CSMD1: variants seen among roughly 807,000 people sequenced by gnomAD.
The protein encoded by CSMD1 is CUB and Sushi multiple domains 1.
A neutral mutation model predicts 417.5 loss-of-function variants in CSMD1; 213 were observed. The observed-to-expected ratio is 0.51, with a 90% CI of 0.46 to 0.57. The LOEUF is 0.57. Ranked by LOEUF, CSMD1 falls within the 20% of genes least tolerant of loss-of-function variation. CSMD1 has a pLI of 0.00. For missense variants in CSMD1, 6,923 were observed against 4,529.7 expected (o/e 1.53, Z -15.17); for synonymous variants, 2,862 against 1,736.8 (o/e 1.65, Z -16.11).
intron 5 of CSMD1, among the ~76,000 whole-genome samples, chr8:3,953,205 A>G (rs1811704706): frequency 6.6e-6 from 1 of 152,140 alleles, no homozygotes; most frequent in Non-Finnish European, 1.5e-5. Context: ...CACTATAAAC[A>G]TTATAGGATT....
At chr8:4,768,773 A>T (rs1796454339) in intron 1 of CSMD1, among the ~76,000 whole-genome samples, 1 of 152,210 alleles carries the variant, frequency 6.6e-6, no homozygotes, top group African/African-American at 2.4e-5. Context: ...TTTACAGTAT[A>T]GGCACATCTT....
At chr8:4,384,323 C>A (rs1377453421) in intron 3 of CSMD1, among the ~76,000 whole-genome samples, 1 of 152,156 alleles carries the variant, frequency 6.6e-6, no homozygotes. Context: ...CGAAATCTAC[C>A]TCATGGCAAC....
At chr8:4,792,020 A>C (rs1464231972) in intron 1 of CSMD1, among the ~76,000 whole-genome samples, 1 of 152,052 alleles carries the variant, frequency 6.6e-6, no homozygotes, top group African/African-American at 2.4e-5. Flanking sequence ...CCTAAATCCT[A>C]TCTCACTAGA....
chr8:4,052,639 C>G (rs1370429825), intron 3 of CSMD1, among the ~76,000 whole-genome samples: 1 of 152,064 alleles, frequency 6.6e-6, no homozygotes, highest in African/African-American at 2.4e-5. Flanking sequence ...CTAGGCATCT[C>G]CTTTGGAAAA....
intron 5 of CSMD1, among the ~76,000 whole-genome samples, chr8:3,755,145 GT>G (rs1325209383): frequency 6.6e-6 from 1 of 152,164 alleles, no homozygotes; most frequent in Non-Finnish European, 1.5e-5. Context: ...GCTCCTGCCC[GT>G]TAGAGGCGCA....
At chr8:3,892,646 G>A (rs1055188476) in intron 5 of CSMD1, among the ~76,000 whole-genome samples, 2 of 151,168 alleles carry the variant, frequency 1.3e-5, no homozygotes, top group South Asian at 2.1e-4. Context: ...TGCTTGGCAC[G>A]TCGTGGGATT....
intron 1 of CSMD1, among the ~76,000 whole-genome samples, chr8:4,873,075 G>A (rs73503879): frequency 0.013 from 2,021 of 152,062 alleles, 57 homozygotes; most frequent in African/African-American, 0.04. Context: ...TGATGTTTTC[G>A]TATATGTATA....
chr8:4,311,473 A>G (rs1298991237), intron 3 of CSMD1, among the ~76,000 whole-genome samples: 2 of 152,278 alleles, frequency 1.3e-5, no homozygotes, highest in East Asian at 1.9e-4. Flanking sequence ...CTGTAATCCC[A>G]GCATTTCAGA....
intron 3 of CSMD1, among the ~76,000 whole-genome samples, chr8:4,190,662 T>C (rs13275448): frequency 0.75 from 113,164 of 151,650 alleles, 43,003 homozygotes; most frequent in South Asian, 0.86. Context: ...CTGAAATCTT[T>C]GACTATATAA....
At chr8:4,633,187 T>G (rs1394528548) in intron 2 of CSMD1, among the ~76,000 whole-genome samples, 1 of 102,884 alleles carries the variant, frequency 9.7e-6, no homozygotes, top group Non-Finnish European at 2.2e-5. Flanking sequence ...GTAGGAACAT[T>G]TACTATTAGG....
chr8:4,635,787 G>C (rs1437999311), intron 2 of CSMD1, among the ~76,000 whole-genome samples: 1 of 151,976 alleles, frequency 6.6e-6, no homozygotes, highest in Non-Finnish European at 1.5e-5. Flanking sequence ...AGCAAGTATT[G>C]TATATGTAGA....
At chr8:4,911,510 C>G (rs371008448) in intron 1 of CSMD1, among the ~76,000 whole-genome samples, 1 of 152,132 alleles carries the variant, frequency 6.6e-6, no homozygotes, top group South Asian at 2.1e-4. Context: ...ATTAACATTC[C>G]TTAATAATTT....
At chr8:4,217,038 G>A (rs898397099) in intron 3 of CSMD1, among the ~76,000 whole-genome samples, 8 of 152,138 alleles carry the variant, frequency 5.3e-5, no homozygotes, top group Admixed American at 5.2e-4. Context: ...AGTCTTTGAT[G>A]CTAATGCATT....
intron 3 of CSMD1, among the ~76,000 whole-genome samples, chr8:4,208,275 AC>A (rs1042958013): frequency 3.3e-4 from 50 of 152,206 alleles, no homozygotes; most frequent in African/African-American, 1.2e-3. Context: ...TACACAGAGG[AC>A]AAGAAACAAG....
chr8:3,044,957 G>C (rs757985881), intron 50 of CSMD1, among the ~76,000 whole-genome samples: 6 of 152,170 alleles, frequency 3.9e-5, no homozygotes, highest in Admixed American at 1.3e-4. Context: ...TTCTGGCTAA[G>C]AGGTAAAGTT....
At chr8:4,936,459 C>A (rs367955039) in intron 1 of CSMD1, among the ~76,000 whole-genome samples, 10 of 152,262 alleles carry the variant, frequency 6.6e-5, no homozygotes, top group African/African-American at 2.2e-4. Flanking sequence ...TCCAGAACAT[C>A]TTATTATTTC....
At chr8:2,976,618 G>A (rs1043763348) in intron 55 of CSMD1, among the ~76,000 whole-genome samples, 3 of 152,114 alleles carry the variant, frequency 2.0e-5, no homozygotes, top group Non-Finnish European at 2.9e-5. Context: ...CAAAATGCTG[G>A]GATTACAGGT....
intron 47 of CSMD1, among the ~76,000 whole-genome samples, chr8:3,093,528 C>T (rs567265321): frequency 2.0e-5 from 3 of 152,106 alleles, no homozygotes; most frequent in South Asian, 2.1e-4. Flanking sequence ...ATTAGCTGGG[C>T]GTGGCGGCAG....
At chr8:4,975,438 C>T (rs896449804) in intron 1 of CSMD1, among the ~76,000 whole-genome samples, 2 of 152,148 alleles carry the variant, frequency 1.3e-5, no homozygotes, top group Non-Finnish European at 2.9e-5. Context: ...CTTTAACCTT[C>T]TAAGTATGTA....
Sources: allele counts gnomAD v4.1 joint callset (sites outside exome capture counted in the v4.1 genomes callset), GRCh38; gene constraint gnomAD v4.1.1; transcripts MANE v1.5; gene names NCBI Gene and HGNC (gene_info 2026-07-23, HGNC 2026-07-21).